Variants in USH1C observed in about 807,000 individuals in gnomAD.
USH1C encodes USH1 protein network component harmonin.
Under a neutral mutation model 119.3 loss-of-function variants are expected in USH1C, and 90 were observed. The ratio of observed to expected loss-of-function variants is 0.75; its 90% CI spans 0.64 to 0.90. The LOEUF is 0.90. Ranked by LOEUF, USH1C falls within the 40% of genes least tolerant of loss-of-function variation. The probability of loss-of-function intolerance (pLI) is 0.00; values close to 1 mark genes in which losing one functional copy is unlikely to be tolerated. For synonymous variants in USH1C, 465 were observed against 443.3 expected, an observed-to-expected ratio of 1.05 and a Z score of -0.62; for missense variants, 1,165 against 1,167.7, an observed-to-expected ratio of 1.00 and a Z score of 0.03.
At chr11:17,540,234 C>T (rs780641118) in intron 1 of USH1C, among the ~76,000 whole-genome samples, 3 of 152,134 alleles carry the variant, frequency 2.0e-5, no homozygotes, top group East Asian at 1.9e-4. Context: ...TAAATGTGCA[C>T]GTGTGAAAGC....
chr11:17,504,613 G>A, intron 20 of USH1C, 34 bp downstream of exon 20: 1 of 1,612,458 alleles, frequency 6.2e-7, no homozygotes, highest in Non-Finnish European at 8.5e-7. Flanking sequence ...GGGTGGTGGG[G>A]AGACCTCCAG....
intron 7 of USH1C, 67 bp downstream of exon 7, chr11:17,526,686 C>G (rs1197543144): frequency 4.4e-5 from 68 of 1,543,328 alleles, no homozygotes; most frequent in Non-Finnish European, 5.8e-5. Context: ...GCCCTCCCTT[C>G]AGGACCGGCC....
intron 24 of USH1C, 80 bp downstream of exon 24, chr11:17,498,082 T>C (rs1849303402): frequency 2.3e-6 from 3 of 1,314,684 alleles, no homozygotes; most frequent in Non-Finnish European, 3.3e-6. Flanking sequence ...TGAGGCATCC[T>C]ATTGTGAGAC....
intron 18 of USH1C, among the ~76,000 whole-genome samples, chr11:17,506,234 A>G (rs1241880269): frequency 6.6e-6 from 1 of 152,128 alleles, no homozygotes; most frequent in Non-Finnish European, 1.5e-5. Context: ...CACCCAGGAG[A>G]CACACTTTCA....
intron 18 of USH1C, among the ~76,000 whole-genome samples, chr11:17,508,289 TGA>T (rs1021286407): frequency 2.4e-4 from 37 of 152,346 alleles, no homozygotes; most frequent in African/African-American, 7.9e-4. Context: ...AGGGTCCCTC[TGA>T]GAGTCTCCCG....
At chr11:17,527,760 G>A (rs982070134) in intron 4 of USH1C, among the ~76,000 whole-genome samples, 2 of 152,194 alleles carry the variant, frequency 1.3e-5, no homozygotes, top group African/African-American at 4.8e-5. Context: ...TAGGAAGTTG[G>A]CTCCCTATCT....
chr11:17,542,574 A>C (rs1851513393), intron 1 of USH1C, among the ~76,000 whole-genome samples: 1 of 152,238 alleles, frequency 6.6e-6, no homozygotes, highest in Admixed American at 6.5e-5. Context: ...CCTGGGGAAG[A>C]GGAACAGGGC....
At chr11:17,501,385 C>T (rs1346632273) in intron 22 of USH1C, 97 bp downstream of exon 22, 3 of 1,434,050 alleles carry the variant, frequency 2.1e-6, no homozygotes, top group Non-Finnish European at 2.9e-6. Context: ...TGAGAGACCA[C>T]CCAGGAGTGA....
intron 8 of USH1C, among the ~76,000 whole-genome samples, chr11:17,525,293 A>G (rs1483009296): frequency 6.6e-6 from 1 of 152,180 alleles, no homozygotes; most frequent in African/African-American, 2.4e-5. Context: ...CTATATTATA[A>G]CTATTTACTT....
At chr11:17,529,296 G>A (rs1361573965) in intron 4 of USH1C, among the ~76,000 whole-genome samples, 1 of 151,972 alleles carries the variant, frequency 6.6e-6, no homozygotes, top group African/African-American at 2.4e-5. Flanking sequence ...ATATTCTTGG[G>A]GAAAAAAAAA....
At chr11:17,526,721 C>G (rs1850693862) in intron 7 of USH1C, 32 bp downstream of exon 7, 2 of 1,611,216 alleles carry the variant, frequency 1.2e-6, no homozygotes, top group African/African-American at 1.3e-5. Flanking sequence ...ATGACCCCAC[C>G]CAAACCCCAT....
At chr11:17,503,308 C>T (rs926035799) in intron 20 of USH1C, among the ~76,000 whole-genome samples, 3 of 152,202 alleles carry the variant, frequency 2.0e-5, no homozygotes, top group Non-Finnish European at 1.5e-5. Context: ...GAAGGCTGGG[C>T]AGTGCTGGCT....
Position 17,520,880 on chromosome 11 carries a change from G to A in USH1C, c.1200C>T (p.Arg400=). 1.2e-6 allele frequency: 2 copies of A among 1,612,436 alleles called. No homozygotes were observed. The highest frequency in any genetic ancestry group is 1.7e-6 in the Non-Finnish European group (2 of 1,179,794). ...GCTCATGAAACTTACACTTTGGCTT[G>A]CGAAGGGGTACTGGGTGTACCTCAG... ...ITAEVHPVPL[R]KPKSFGWFYR... The change falls in exon 14 of 27, where the codon CGC becomes CGT. Residue 400 remains arginine, a synonymous_variant. Coordinates refer to ENST00000005226, the MANE Select transcript of USH1C (RefSeq NM_153676.4).
chr11:17,496,100 A>T (rs1309076822), intron 25 of USH1C, among the ~76,000 whole-genome samples: 2 of 151,948 alleles, frequency 1.3e-5, no homozygotes, highest in African/African-American at 4.8e-5. Context: ...AAGAAAGAAT[A>T]GGAGACAGTG....
rs970072244 is a variant in USH1C at position 17,521,346 on chromosome 11, T to C, written c.1085A>G (p.Gln362Arg). Residue 362 changes from glutamine to arginine, a missense_variant and splice_region_variant, in exon 13 of 27, where the codon CAG becomes CGG. By Grantham distance (43) the Gln-to-Arg change is conservative (BLOSUM62 1). Transcript: ENST00000005226. Reference protein sequence around the residue: ...ENERYRKEMEQIVEEEEKFKK... With the variant: ...ENERYRKEMERIVEEEEKFKK... ...ACACGCGTGGAGCCGAGGTACTCAC[T>C]GTTCCATCTCCTTCCGGTATCTCTC... 1.2e-6 allele frequency: 2 copies of C among 1,614,026 alleles called. No individual in the cohort carries two copies. The highest frequency in any genetic ancestry group is 1.7e-5 in the Admixed American group (1 of 60,002).
chr11:17,517,403 G>C lies in USH1C; in HGVS notation c.1211-1113C>G. On this transcript the variant is annotated intron_variant, in intron 14 of 26. Transcript: ENST00000005226. Reference sequence around the variant, plus strand: ...GGGAGCAAAGCGGGGACGCGAACCTGCTCTCCCTGCTCCTCCGTGCCTCCA... The same window carrying C: ...GGGAGCAAAGCGGGGACGCGAACCTCCTCTCCCTGCTCCTCCGTGCCTCCA... 6.3e-7 allele frequency: 1 copy of C among 1,581,702 alleles called. No individual in the cohort carries two copies. Among genetic ancestry groups the C allele is most frequent in the Non-Finnish European group, 8.6e-7 (1 of 1,163,118 alleles).
chr11:17,503,323 C>T (rs1849519759), intron 20 of USH1C, among the ~76,000 whole-genome samples: 1 of 152,188 alleles, frequency 6.6e-6, no homozygotes, highest in Non-Finnish European at 1.5e-5. Context: ...CTGGCTCTGG[C>T]CTCCTTGCTC....
chr11:17,533,597 G>C (rs572359434), intron 1 of USH1C: 172 of 587,680 alleles, frequency 2.9e-4, no homozygotes, highest in African/African-American at 2.8e-3. Flanking sequence ...TGCACACACG[G>C]GGATGAACAC....
rs747189986 is a variant in USH1C, at chr11:17,501,071, C to G, written c.2360G>C (p.Arg787Pro). Reference sequence around the variant, plus strand: ...CTCACCATGCCGCTCAGCAGCTCCCCGCTCATACACAGCAGAAACGACCAC... The same window carrying G: ...CTCACCATGCCGCTCAGCAGCTCCCGGCTCATACACAGCAGAAACGACCAC... ...GKVVVSAVYE[R>P]GAAERHGGIV... Residue 787 changes from arginine to proline, a missense_variant, in exon 23 of 27, where the codon CGG becomes CCG. Physicochemically the swap from Arg to Pro is moderately radical, Grantham distance 103. Coordinates refer to ENST00000005226, the MANE Select transcript of USH1C (RefSeq NM_153676.4). The G allele has an allele frequency of 1.9e-6, 3 of 1,613,778 alleles. No homozygotes were observed. The highest frequency in any genetic ancestry group is 2.2e-5 in the East Asian group (1 of 44,864).
Sources: gnomAD v4.1 joint callset for allele counts (sites outside exome capture counted in the v4.1 genomes callset) on GRCh38, gnomAD v4.1.1 for gene constraint, MANE v1.5 for transcripts, NCBI Gene and HGNC (gene_info 2026-07-23, HGNC 2026-07-21) for gene names.